The following IL17RA variants were observed in gnomAD, a reference collection of about 807,000 sequenced individuals.
The protein encoded by IL17RA is interleukin-17 receptor A.
A neutral mutation model predicts 50.4 loss-of-function variants in IL17RA; 34 were observed. The observed-to-expected ratio is 0.67, with a 90% CI of 0.51 to 0.90. The LOEUF (loss-of-function observed/expected upper bound fraction) is 0.90. IL17RA is among the 40% of genes least tolerant of loss of function. IL17RA has a pLI of 0.00. For synonymous variants in IL17RA, 585 were observed against 510.4 expected (o/e 1.15, Z -1.97); for missense variants, 1,276 against 1,169.8 (o/e 1.09, Z -1.32).
At chr22:17,088,954 C>T (rs2061338270) in intron 1 of IL17RA, among the ~76,000 whole-genome samples, 1 of 152,006 alleles carries the variant, frequency 6.6e-6, no homozygotes, top group Admixed American at 6.6e-5. Context: ...CACCACCACT[C>T]CCAGCTAATT....
intron 3 of IL17RA, among the ~76,000 whole-genome samples, 200 bp downstream of exon 3, chr22:17,098,143 C>T (rs368052455): frequency 3.9e-5 from 6 of 152,222 alleles, no homozygotes; most frequent in African/African-American, 1.4e-4. Context: ...CTTCTCATCA[C>T]ACCATTCTTC....
At chr22:17,094,649 T>G (rs2061359162) in intron 1 of IL17RA, among the ~76,000 whole-genome samples, 1 of 51,572 alleles carries the variant, frequency 1.9e-5, no homozygotes, top group East Asian at 4.8e-4. Context: ...CATTTAGTCA[T>G]ACACACACTC....
chr22:17,104,686 T>G (rs1041360876), intron 8 of IL17RA, 40 bp from the exon 9 acceptor site: 27 of 1,588,604 alleles, frequency 1.7e-5, no homozygotes, highest in Admixed American at 8.4e-5. Context: ...ATGGGCGCTC[T>G]ACAGTTCTGG....
Position 17,113,747 on chromosome 22 carries a change from A to C in IL17RA, c.*3927A>C, listed in dbSNP as rs1008139470. The C allele has an allele frequency of 1.3e-5, 2 of 152,290 alleles. No individual in the cohort carries two copies. Among genetic ancestry groups the C allele is most frequent in the African/African-American group, 4.8e-5 (2 of 41,458 alleles). 9.4% of individuals were successfully genotyped at this position (152,290 alleles called of 1,614,324 possible). On this transcript the variant is annotated 3_prime_UTR_variant, in exon 13 of 13. Transcript: ENST00000319363. The stretch of plus-strand genomic sequence containing the variant: ...GCTCCAGCAGCCGGGCCTGCATCCC[A>C]CAAGTCAACTGTGTCGGACAGAGGA...
At chr22:17,101,816 T>A (rs573524514) in intron 5 of IL17RA, among the ~76,000 whole-genome samples, 180 bp from the exon 6 acceptor site, 1 of 151,768 alleles carries the variant, frequency 6.6e-6, no homozygotes, top group Non-Finnish European at 1.5e-5. Flanking sequence ...GAGATGAGGA[T>A]CAGACAGGCA....
Position 17,112,431 on chromosome 22 carries a change from C to T in IL17RA, c.*2611C>T, listed in dbSNP as rs1273130640. 4.6e-5 allele frequency: 7 copies of T among 152,218 alleles called. No homozygotes were observed. The highest frequency in any genetic ancestry group is 4.6e-4 in the Admixed American group (7 of 15,276). The allele number at this position is 152,218 out of a possible 1,614,324, so 9.4% of individuals were successfully genotyped here. On this transcript the variant is annotated 3_prime_UTR_variant, in exon 13 of 13. Transcript: ENST00000319363. ...TACCCCCAAAAGAAATCCAGCCCCC[C>T]TTAGTCACCACCCCAACCTCCCCAT... is the stretch of plus-strand genomic sequence containing the variant.
chr22:17,098,173 C>A (rs1346877874), intron 3 of IL17RA, among the ~76,000 whole-genome samples: 1 of 152,164 alleles, frequency 6.6e-6, no homozygotes, highest in Non-Finnish European at 1.5e-5. Context: ...CTTCCTTCAA[C>A]CTAATATTTT....
chr22:17,100,667 T>C (rs2061387774), intron 5 of IL17RA, among the ~76,000 whole-genome samples, 186 bp downstream of exon 5: 1 of 152,202 alleles, frequency 6.6e-6, no homozygotes, highest in South Asian at 2.1e-4. Flanking sequence ...CTCCATTCCC[T>C]GAGGCAGAGG....
chr22:17,108,213 C>T (rs1174688887), intron 12 of IL17RA, 94 bp from the exon 13 acceptor site: 1 of 1,317,178 alleles, frequency 7.6e-7, no homozygotes, highest in African/African-American at 1.5e-5. Flanking sequence ...GAGCCAAGCT[C>T]TGTGTCCTGG....
At position 17,113,104 on chromosome 22, in the gene IL17RA, C is replaced by G. The variant is rs141462141; in HGVS notation, c.*3284C>G. ...TTTAGGGTCTAAAAAGGGTGGTGTT[C>G]GGTCTCTGAAACATCCATTCAGCAG... On this transcript the variant is annotated 3_prime_UTR_variant, in exon 13 of 13. Coordinates refer to ENST00000319363, the MANE Select transcript of IL17RA (RefSeq NM_014339.7). The G allele has an allele frequency of 1.3e-5, 2 of 151,302 alleles. No homozygotes were observed. Among genetic ancestry groups the G allele is most frequent in the East Asian group, 3.9e-4 (2 of 5,112 alleles). 9.4% of individuals were successfully genotyped at this position (151,302 alleles called of 1,614,324 possible). A position where few individuals can be genotyped will look rare whatever the true frequency, so the allele number is the denominator to read the frequency against.
In IL17RA at chr22:17,108,997, C is replaced by T. The variant is rs1440973636; in HGVS notation, c.1778C>T (p.Ala593Val). ...TTCGAATGTGAGAACCTCTACTCAG[C>T]AGATGACCAGGATGCCCCGTCCCTG... ...DWFECENLYS[A>V]DDQDAPSLDE... The change falls in exon 13 of 13, where the codon GCA (alanine) becomes GTA (valine). Residue 593 changes from alanine to valine, a missense_variant. Ala to Val is a moderately conservative substitution (Grantham distance 64). Coordinates refer to ENST00000319363, the MANE Select transcript of IL17RA (RefSeq NM_014339.7). 4 of 1,601,706 alleles carry T rather than the reference C, an allele frequency of 2.5e-6. No individual in the cohort carries two copies. In the East Asian group the frequency reaches 8.9e-5, roughly 36 times the overall value.
At chr22:17,106,039 C>G in intron 11 of IL17RA, 85 bp downstream of exon 11, 1 of 1,014,738 alleles carries the variant, frequency 9.9e-7, no homozygotes, top group African/African-American at 1.6e-5. Context: ...GCTTTATTCT[C>G]AGAGCCTCAG....
chr22:17,086,109 C>T (rs1312649709), intron 1 of IL17RA, among the ~76,000 whole-genome samples: 3 of 152,082 alleles, frequency 2.0e-5, no homozygotes, highest in South Asian at 2.1e-4. Flanking sequence ...CGGGTAGTGG[C>T]CTTTCTGTGA....
chr22:17,097,195 A>G, intron 2 of IL17RA, 109 bp downstream of exon 2: 1 of 1,038,020 alleles, frequency 9.6e-7, no homozygotes, highest in Non-Finnish European at 1.5e-6. Flanking sequence ...TCAGGCTGTG[A>G]GCTACAGCCA....
intron 10 of IL17RA, 121 bp downstream of exon 10, chr22:17,105,723 G>GA (rs1212303668): frequency 5.8e-6 from 8 of 1,377,484 alleles, no homozygotes; most frequent in Admixed American, 5.2e-5. Flanking sequence ...CCCGGGGTGG[G>GA]GGGTGAGACC....
chr22:17,102,692 A>G (rs1360677847), intron 7 of IL17RA, among the ~76,000 whole-genome samples: 1 of 152,208 alleles, frequency 6.6e-6, no homozygotes, highest in Non-Finnish European at 1.5e-5. Context: ...CTGTAATCCC[A>G]ATACTTTGGG....
intron 8 of IL17RA, among the ~76,000 whole-genome samples, chr22:17,103,961 C>A (rs1396061895): frequency 1.2e-4 from 1 of 8,226 alleles, no homozygotes; most frequent in African/African-American, 1.1e-3. Context: ...TGTGGTGTGG[C>A]TGGGAGTGGG....
rs199640693 is a variant in IL17RA at position 17,097,952 on chromosome 22, G to T, written c.310+9G>T. On this transcript the variant is annotated intron_variant, in intron 3 of 12. Transcript: ENST00000319363. ...GACACTGCAGACAGACGGTGAGTGGGCATGCCAGCAGGGCCCTGGGGGATT... is the reference window on the plus strand; with the variant it reads ...GACACTGCAGACAGACGGTGAGTGGTCATGCCAGCAGGGCCCTGGGGGATT... The T allele has an allele frequency of 4.6e-5, 75 of 1,613,794 alleles. No homozygotes were observed. In the East Asian group the frequency reaches 1.7e-3, roughly 36 times the overall value.
rs1253033089 is a variant in IL17RA, at chr22:17,089,943, CAAGAT to C, written c.138+4716_138+4720del. 4.7e-5 allele frequency among the ~76,000 whole-genome samples: 7 copies of C among 150,058 alleles called. 1 individual carries two copies. Among genetic ancestry groups the C allele is most frequent in the Admixed American group, 3.3e-4 (5 of 15,062 alleles). On this transcript the variant is annotated intron_variant, in intron 1 of 12. Transcript: ENST00000319363. ...TTGGAGAGGAATTTGTTGGACAAGA[CAAGAT>C]ATGTCTTAGTAATATCCTAAGAAGA...
Sources: gnomAD v4.1 joint callset for allele counts (sites outside exome capture counted in the v4.1 genomes callset) on GRCh38, gnomAD v4.1.1 for gene constraint, MANE v1.5 for transcripts, NCBI Gene and HGNC (gene_info 2026-07-23, HGNC 2026-07-21) for gene names.